FTO: variants seen among roughly 807,000 people sequenced by gnomAD.
FTO encodes alpha-ketoglutarate-dependent dioxygenase FTO.
FTO carries 47 observed loss-of-function variants against 63.9 expected under a neutral mutation model. The ratio of observed to expected loss-of-function variants is 0.74; its 90% CI spans 0.58 to 0.94. FTO has a LOEUF of 0.94. Among genes scored for constraint, FTO ranks in the 40% least tolerant of loss-of-function variants. The pLI is 0.00. For missense variants in FTO, 562 were observed against 618.1 expected (o/e 0.91, Z 0.96); for synonymous variants, 207 against 224.4 (o/e 0.92, Z 0.69).
intron 2 of FTO, among the ~76,000 whole-genome samples, chr16:53,820,298 C>T (rs143469440): frequency 2.2e-4 from 34 of 152,116 alleles, no homozygotes; most frequent in Non-Finnish European, 4.1e-4. Flanking sequence ...TGTAAGCCAC[C>T]GCTCCAGGCC....
At chr16:53,879,724 C>T (rs16952616) in intron 5 of FTO, 120 bp from the exon 6 acceptor site, 1 of 793,304 alleles carries the variant, frequency 1.3e-6, no homozygotes, top group Non-Finnish European at 2.1e-6. Flanking sequence ...GGAGTATAGA[C>T]TGAGCCATGG....
At chr16:53,883,392 C>T (rs1407518450) in intron 6 of FTO, among the ~76,000 whole-genome samples, 4 of 151,922 alleles carry the variant, frequency 2.6e-5, no homozygotes, top group African/African-American at 4.8e-5. Context: ...GAGGCCGAGG[C>T]GGTGGATCAC....
intron 8 of FTO, chr16:54,013,487 C>T (rs961916974): frequency 6.6e-6 from 1 of 151,940 alleles, no homozygotes; most frequent in South Asian, 2.1e-4. Flanking sequence ...AGAGGATTGA[C>T]TCCAATTTTG....
chr16:54,106,450 A>G (rs1339116358), intron 8 of FTO, among the ~76,000 whole-genome samples: 1 of 147,132 alleles, frequency 6.8e-6, no homozygotes, highest in African/African-American at 2.5e-5. Context: ...AAGTATATAT[A>G]TAATATATAT....
At chr16:53,887,841 T>C (rs1398785027) in intron 6 of FTO, 1 of 152,162 alleles carries the variant, frequency 6.6e-6, no homozygotes, top group East Asian at 1.9e-4. Flanking sequence ...AATGGCTTTG[T>C]CGGTTTAATG....
intron 1 of FTO, among the ~76,000 whole-genome samples, chr16:53,799,750 G>C (rs534197854): frequency 6.6e-6 from 1 of 152,322 alleles, no homozygotes; most frequent in South Asian, 2.1e-4. Context: ...CCTGGTACAT[G>C]CCCGGTTTAG....
At chr16:53,895,907 A>G (rs886480888) in intron 7 of FTO, among the ~76,000 whole-genome samples, 1 of 152,142 alleles carries the variant, frequency 6.6e-6, no homozygotes, top group Admixed American at 6.5e-5. Flanking sequence ...GGAGAGAAAA[A>G]CTGGAGTAAA....
At chr16:53,969,628 G>T (rs1317695940) in intron 8 of FTO, among the ~76,000 whole-genome samples, 1 of 152,154 alleles carries the variant, frequency 6.6e-6, no homozygotes, top group African/African-American at 2.4e-5. Flanking sequence ...TGCAATAGAT[G>T]TGACAGGACC....
intron 6 of FTO, among the ~76,000 whole-genome samples, chr16:53,885,205 T>C (rs2080966611): frequency 6.6e-6 from 1 of 152,212 alleles, no homozygotes; most frequent in Non-Finnish European, 1.5e-5. Flanking sequence ...TTTCCAGAGT[T>C]TATTACCTCA....
chr16:53,998,709 C>T (rs924691053), intron 8 of FTO: 2 of 152,194 alleles, frequency 1.3e-5, no homozygotes, highest in Non-Finnish European at 2.9e-5. Flanking sequence ...AGCCTCTTTC[C>T]TTCTGGTTGC....
At chr16:53,976,638 A>C (rs1433696536) in intron 8 of FTO, among the ~76,000 whole-genome samples, 2 of 152,190 alleles carry the variant, frequency 1.3e-5, no homozygotes, top group African/African-American at 4.8e-5. Context: ...TTTTAATATA[A>C]ATGCATTGAA....
chr16:53,706,539 T>C (rs990517923), intron 1 of FTO, among the ~76,000 whole-genome samples: 4 of 152,212 alleles, frequency 2.6e-5, no homozygotes, highest in African/African-American at 9.7e-5. Flanking sequence ...TGTATACTTT[T>C]GGGTCTTTTT....
chr16:53,940,335 G>A (rs1480379075), intron 8 of FTO, among the ~76,000 whole-genome samples: 2 of 152,162 alleles, frequency 1.3e-5, no homozygotes, highest in Admixed American at 1.3e-4. Flanking sequence ...TCTTGTTGGT[G>A]ATAAAGAGCT....
At chr16:53,837,520 T>C (rs17818890) in intron 3 of FTO, among the ~76,000 whole-genome samples, 35,039 of 152,098 alleles carry the variant, frequency 0.23, 4,258 homozygotes, top group Middle Eastern at 0.31. Flanking sequence ...TTTTTTTTTC[T>C]CACCCCTTCA....
At chr16:53,835,539 A>G (rs538705328) in intron 3 of FTO, among the ~76,000 whole-genome samples, 25 of 152,218 alleles carry the variant, frequency 1.6e-4, no homozygotes, top group Middle Eastern at 6.8e-3. Context: ...ACTGTCTTTT[A>G]TCTTACAGTG....
intron 8 of FTO, among the ~76,000 whole-genome samples, chr16:53,958,619 G>A (rs879576324): frequency 6.6e-6 from 1 of 152,198 alleles, no homozygotes; most frequent in Non-Finnish European, 1.5e-5. Flanking sequence ...CCAGGCTTAG[G>A]GGGTGTGACC....
chr16:53,902,423 A>G lies in FTO; in HGVS notation c.1239+13472A>G, dbSNP rs1482280403. ...CCCAGTTCCCAGTTCAGTGCTTTCT[A>G]CTACTCCCTAAATATCCATGGCTGT... On this transcript the variant is annotated intron_variant, in intron 7 of 8. Coordinates refer to ENST00000471389, the MANE Select transcript of FTO (RefSeq NM_001080432.3). 2.0e-5 allele frequency among the ~76,000 whole-genome samples: 3 copies of G among 152,286 alleles called. No homozygotes were observed. In the East Asian group the frequency reaches 5.8e-4, roughly 29 times the overall value.
chr16:53,860,835 A>G (rs1165094660), intron 4 of FTO, among the ~76,000 whole-genome samples: 1 of 151,842 alleles, frequency 6.6e-6, no homozygotes, highest in Non-Finnish European at 1.5e-5. Context: ...TTAATACTGT[A>G]TTACATATGT....
At chr16:53,952,445 TTCCTTATGTAGCA>T (rs2082822449) in intron 8 of FTO, among the ~76,000 whole-genome samples, 1 of 152,178 alleles carries the variant, frequency 6.6e-6, no homozygotes. Flanking sequence ...AGCCTTTGGC[TTCCTTATGTAGCA>T]TCCTGGATGT....
Sources: gnomAD v4.1 joint callset for allele counts (sites outside exome capture counted in the v4.1 genomes callset) on GRCh38, gnomAD v4.1.1 for gene constraint, MANE v1.5 for transcripts, NCBI Gene and HGNC (gene_info 2026-07-23, HGNC 2026-07-21) for gene names.